RAG1: variants seen among roughly 807,000 people sequenced by gnomAD.
RAG1 encodes the protein V(D)J recombination-activating protein 1.
A neutral mutation model predicts 62.7 loss-of-function variants in RAG1; 35 were observed. The observed-to-expected ratio is 0.56, with a 90% CI of 0.43 to 0.74. The LOEUF (loss-of-function observed/expected upper bound fraction) is 0.74. Among genes scored for constraint, RAG1 ranks in the 30% least tolerant of loss-of-function variants. RAG1 has a pLI of 0.00. For synonymous variants in RAG1, 461 were observed against 470.3 expected (o/e 0.98, Z 0.26); for missense variants, 1,169 against 1,278.6 (o/e 0.91, Z 1.31).
chr11:36,573,308 G>A lies in RAG1; in HGVS notation c.4G>A (p.Ala2Thr). ...GTTCTCAGGTACCTCAGCCAGCATG[G>A]CAGCCTCTTTCCCACCCACCTTGGG... M[A>T]ASFPPTLGLS... The change falls in exon 2 of 2, where the codon GCA becomes ACA. Residue 2 changes from alanine (A) to threonine (T), a missense_variant. Transcript: ENST00000299440. 1.2e-6 allele frequency: 2 copies of A among 1,614,024 alleles called. No individual in the cohort carries two copies. Among genetic ancestry groups the A allele is most frequent in the Non-Finnish European group, 8.5e-7 (1 of 1,179,994 alleles).
chr11:36,520,107 A>G (rs909373849), intron 1 of RAG1: 9 of 152,294 alleles, frequency 5.9e-5, no homozygotes, highest in African/African-American at 2.2e-4. Flanking sequence ...TAAATTCATC[A>G]ACATCACAAG....
At position 36,574,516 on chromosome 11, in the gene RAG1, G is replaced by A. The variant is rs1850807097; in HGVS notation, c.1212G>A (p.Arg404=). The change falls in exon 2 of 2, where the codon CGG becomes CGA. Residue 404 remains arginine, a synonymous_variant. Transcript: ENST00000299440. ...RPRQHLLSLT[R]RAQKHRLREL... ...GCCAACATCTTCTGTCGCTGACTCGGAGAGCTCAGAAGCACCGGCTGAGGG... is the reference window on the plus strand; with the variant it reads ...GCCAACATCTTCTGTCGCTGACTCGAAGAGCTCAGAAGCACCGGCTGAGGG... 1 of 1,614,126 alleles carries A rather than the reference G, an allele frequency of 6.2e-7. No individual in the cohort carries two copies. Among genetic ancestry groups the A allele is most frequent in the African/African-American group, 1.3e-5 (1 of 74,950 alleles).
chr11:36,573,588 A>T lies in RAG1; in HGVS notation c.284A>T (p.Glu95Val). ...PKFSKKFHDN[E>V]KARGKAIHQA... Reference sequence around the variant, plus strand: ...TTTTCAAAGAAATTTCACGACAACGAGAAAGCAAGAGGCAAAGCGATCCAT... The same window carrying T: ...TTTTCAAAGAAATTTCACGACAACGTGAAAGCAAGAGGCAAAGCGATCCAT... Residue 95 changes from glutamate (E) to valine (V), a missense_variant, in exon 2 of 2, where the codon GAG becomes GTG. This residue lies in a region of RAG1 where 369 missense variants were observed against 335.3 expected (regional missense o/e 1.10). Coordinates refer to ENST00000299440, the MANE Select transcript of RAG1 (RefSeq NM_000448.3). 1 of 1,614,228 alleles carries T rather than the reference A, an allele frequency of 6.2e-7. No individual in the cohort carries two copies. The highest frequency in any genetic ancestry group is 8.5e-7 in the Non-Finnish European group (1 of 1,180,050).
chr11:36,540,972 T>A (rs1197685039), downstream of RAG1, among the ~76,000 whole-genome samples: 1 of 152,172 alleles, frequency 6.6e-6, no homozygotes, highest in African/African-American at 2.4e-5. Flanking sequence ...TTCCACAAGG[T>A]GTGAGAAAAG....
chr11:36,518,692 G>C (rs1467970111), intron 1 of RAG1, among the ~76,000 whole-genome samples: 1 of 152,012 alleles, frequency 6.6e-6, no homozygotes, highest in African/African-American at 2.4e-5. Context: ...GGGGTTATTT[G>C]GTTTTTTTCT....
In RAG1 at chr11:36,575,730, A is replaced by G. The variant is rs773703055; in HGVS notation, c.2426A>G (p.Lys809Arg). ...ATTGGCAATGCAGCTGAGTTCTACAAGATCTTCCAGCTAGAGATAGGGGAA... is the reference window on the plus strand; with the variant it reads ...ATTGGCAATGCAGCTGAGTTCTACAGGATCTTCCAGCTAGAGATAGGGGAA... ...CDIGNAAEFY[K>R]IFQLEIGEVY... is the part of the protein sequence containing the mutation. Residue 809 changes from lysine to arginine, a missense_variant, in exon 2 of 2, where the codon AAG becomes AGG. Coordinates refer to ENST00000299440, the MANE Select transcript of RAG1 (RefSeq NM_000448.3). The surrounding 1 kb of genome is among the most constrained non-coding windows in gnomAD (Gnocchi z 4.1). 52 of 1,614,100 alleles carry G rather than the reference A, an allele frequency of 3.2e-5. No individual in the cohort carries two copies. The highest frequency in any genetic ancestry group is 1.6e-4 in the African/African-American group (12 of 74,934).
intron 2 of RAG1, among the ~76,000 whole-genome samples, chr11:36,533,641 GT>G (rs1360304243): frequency 6.6e-6 from 1 of 152,124 alleles, no homozygotes; most frequent in East Asian, 1.9e-4. Context: ...CAGCTAAAAT[GT>G]TTAGACAATG....
chr11:36,564,869 T>A (rs148076313), upstream of RAG1, among the ~76,000 whole-genome samples: 3 of 152,286 alleles, frequency 2.0e-5, no homozygotes, highest in Non-Finnish European at 4.4e-5. Flanking sequence ...TGAGTTTCTT[T>A]ACCGTCTAAG....
downstream of RAG1, among the ~76,000 whole-genome samples, chr11:36,540,889 C>T (rs1860406747): frequency 6.6e-6 from 1 of 152,082 alleles, no homozygotes; most frequent in Non-Finnish European, 1.5e-5. Context: ...GGTTTAAATC[C>T]TCAAATTGGA....
intron 2 of RAG1, among the ~76,000 whole-genome samples, chr11:36,522,470 A>G (rs1325129798): frequency 6.6e-6 from 1 of 152,222 alleles, no homozygotes; most frequent in Non-Finnish European, 1.5e-5. Context: ...TTTCAGAAAG[A>G]TGTATGGAAA....
At chr11:36,519,201 G>A (rs1452605658) in intron 1 of RAG1, among the ~76,000 whole-genome samples, 2 of 152,054 alleles carry the variant, frequency 1.3e-5, no homozygotes, top group Non-Finnish European at 2.9e-5. Flanking sequence ...GGGATATAAA[G>A]GGTCAATATT....
chr11:36,557,794 T>C (rs1483376009), intron 3 of RAG1, among the ~76,000 whole-genome samples: 9 of 152,248 alleles, frequency 5.9e-5, no homozygotes, highest in Non-Finnish European at 1.2e-4. Flanking sequence ...CATATTTTAA[T>C]ATGTATCCTC....
chr11:36,576,105 A>G lies in RAG1; in HGVS notation c.2801A>G (p.Lys934Arg). Residue 934 changes from lysine (K) to arginine (R), a missense_variant, in exon 2 of 2, where the codon AAA becomes AGA. Lys to Arg is a conservative substitution (Grantham distance 26). Transcript: ENST00000299440. ...AAGTTCAAGTATAGGTATGAGGGAAAAATCACCAATTATTTTCACAAAACC... is the reference window on the plus strand; with the variant it reads ...AAGTTCAAGTATAGGTATGAGGGAAGAATCACCAATTATTTTCACAAAACC... ...STKFKYRYEG[K>R]ITNYFHKTLA... is the part of the protein sequence containing the mutation. 6.2e-7 allele frequency: 1 copy of G among 1,614,032 alleles called. No homozygotes were observed. The highest frequency in any genetic ancestry group is 2.2e-5 in the East Asian group (1 of 44,882).
intron 3 of RAG1, among the ~76,000 whole-genome samples, chr11:36,549,459 C>T (rs188107269): frequency 2.6e-4 from 40 of 152,206 alleles, no homozygotes; most frequent in African/African-American, 5.1e-4. Context: ...AAAAAGTGGG[C>T]GAAGGATATG....
At chr11:36,562,917 C>T (rs1188972409) in intron 3 of RAG1, among the ~76,000 whole-genome samples, 1 of 151,934 alleles carries the variant, frequency 6.6e-6, no homozygotes, top group Non-Finnish European at 1.5e-5. Flanking sequence ...TCCCATAAGG[C>T]AGGTGTGATT....
upstream of RAG1, among the ~76,000 whole-genome samples, chr11:36,564,205 T>A (rs1462192595): frequency 6.6e-6 from 1 of 152,234 alleles, no homozygotes; most frequent in East Asian, 1.9e-4. Context: ...ACACATTTTC[T>A]GGGACTGGTC....
At chr11:36,519,317 G>A (rs1024874713) in intron 1 of RAG1, among the ~76,000 whole-genome samples, 10 of 152,088 alleles carry the variant, frequency 6.6e-5, no homozygotes, top group South Asian at 2.1e-4. Flanking sequence ...ATCGTATTCC[G>A]GAGAGGAAAT....
chr11:36,514,316 G>T (rs1859966068), intron 1 of RAG1, among the ~76,000 whole-genome samples: 1 of 152,150 alleles, frequency 6.6e-6, no homozygotes, highest in African/African-American at 2.4e-5. Context: ...GGGTAATTTG[G>T]TACACAGCAA....
rs539748799 is a variant in RAG1, at chr11:36,512,375, C to T, written n.330+1337C>T. On this transcript the variant is annotated intron_variant and non_coding_transcript_variant, in intron 1 of 2. Transcript: ENST00000529126. The stretch of plus-strand genomic sequence containing the variant: ...AGTCAATCCACCTGCATTGGACTTA[C>T]GAGAGCAGGAAACAAACGCCTGTTA... Among the ~76,000 whole-genome samples, 6 of 152,290 alleles carry T rather than the reference C, an allele frequency of 3.9e-5. No individual in the cohort carries two copies. The South Asian group carries it at 6.2e-4, about 16-fold the overall frequency.
Sources: allele counts gnomAD v4.1 joint callset (sites outside exome capture counted in the v4.1 genomes callset), GRCh38; gene constraint gnomAD v4.1.1; regional missense constraint gnomAD v4.1.1; non-coding constraint Gnocchi (gnomAD v3.1); transcripts MANE v1.5; gene names NCBI Gene and HGNC (gene_info 2026-07-23, HGNC 2026-07-21).